FRMD4B: variants seen among roughly 807,000 people sequenced by gnomAD.
FRMD4B encodes FERM domain-containing protein 4B.
Under a neutral mutation model 141.5 loss-of-function variants are expected in FRMD4B, and 74 were observed. That is an observed-to-expected ratio of 0.52 (90% confidence interval 0.43 to 0.63). The LOEUF (loss-of-function observed/expected upper bound fraction) is 0.63. Among genes scored for constraint, FRMD4B ranks in the 30% least tolerant of loss-of-function variants. The probability of loss-of-function intolerance (pLI) is 0.00; values close to 1 mark genes in which losing one functional copy is unlikely to be tolerated. For synonymous variants in FRMD4B, 506 were observed against 467.9 expected (o/e 1.08, Z -1.05); for missense variants, 1,366 against 1,253.4 (o/e 1.09, Z -1.36).
chr3:69,448,840 T>C (rs1243135278), intron 1 of FRMD4B, among the ~76,000 whole-genome samples: 1 of 152,230 alleles, frequency 6.6e-6, no homozygotes, highest in Non-Finnish European at 1.5e-5. Context: ...TCCACATTTT[T>C]ATTTTTTCTT....
At chr3:69,334,083 A>G (rs1702464069) in intron 1 of FRMD4B, 1 of 152,094 alleles carries the variant, frequency 6.6e-6, no homozygotes, top group South Asian at 2.1e-4. Context: ...TATGGCTAAC[A>G]CTCTTAAGAT....
At chr3:69,496,713 T>A (rs1389467856) in intron 1 of FRMD4B, among the ~76,000 whole-genome samples, 1 of 146,102 alleles carries the variant, frequency 6.8e-6, no homozygotes, top group East Asian at 2.0e-4. Context: ...CCTGATGACA[T>A]CATGAGTGTC....
At chr3:69,445,413 A>G (rs1705397756) in intron 1 of FRMD4B, among the ~76,000 whole-genome samples, 1 of 152,204 alleles carries the variant, frequency 6.6e-6, no homozygotes, top group South Asian at 2.1e-4. Context: ...CCTCCTAAGA[A>G]AGATTCCTGC....
Position 69,189,885 on chromosome 3 carries a change from G to C in FRMD4B, c.1771+11C>G. 1 of 1,540,092 alleles carries C rather than the reference G, an allele frequency of 6.5e-7. No individual in the cohort carries two copies. The highest frequency in any genetic ancestry group is 9.0e-7 in the Non-Finnish European group (1 of 1,114,086). On this transcript the variant is annotated intron_variant, in intron 18 of 22. Coordinates refer to ENST00000398540, the MANE Select transcript of FRMD4B (RefSeq NM_015123.3). ...TAACATTTTTAAACCAAAAAAGGAAGAGCCACTTACGATCATCATAGGTGG... is the reference window on the plus strand; with the variant it reads ...TAACATTTTTAAACCAAAAAAGGAACAGCCACTTACGATCATCATAGGTGG...
intron 1 of FRMD4B, among the ~76,000 whole-genome samples, chr3:69,362,921 G>A (rs1703512078): frequency 6.6e-6 from 1 of 151,222 alleles, no homozygotes; most frequent in South Asian, 2.1e-4. Flanking sequence ...TGTTGTTGTT[G>A]TTGGACAATT....
chr3:69,453,121 G>A (rs1006053619), intron 1 of FRMD4B, among the ~76,000 whole-genome samples: 1 of 152,188 alleles, frequency 6.6e-6, no homozygotes, highest in African/African-American at 2.4e-5. Context: ...GGATGGGAGA[G>A]TTTATTGAAG....
chr3:69,294,025 T>C (rs1404780105), intron 4 of FRMD4B, among the ~76,000 whole-genome samples: 1 of 152,170 alleles, frequency 6.6e-6, no homozygotes, highest in Non-Finnish European at 1.5e-5. Context: ...AGTTTCAACT[T>C]TTCTCCCTCA....
At chr3:69,220,418 C>G (rs1480256701) in intron 9 of FRMD4B, among the ~76,000 whole-genome samples, 1 of 152,174 alleles carries the variant, frequency 6.6e-6, no homozygotes, top group Non-Finnish European at 1.5e-5. Context: ...CCTTAATACC[C>G]TTAATGGAAA....
chr3:69,352,584 C>T (rs1395910065), intron 1 of FRMD4B, among the ~76,000 whole-genome samples: 1 of 152,108 alleles, frequency 6.6e-6, no homozygotes. Context: ...AACATCTACC[C>T]ATCAAGGAAG....
chr3:69,464,406 G>A (rs1487716919), intron 1 of FRMD4B, among the ~76,000 whole-genome samples: 2 of 152,154 alleles, frequency 1.3e-5, no homozygotes, highest in Admixed American at 1.3e-4. Flanking sequence ...TAGACTGTCT[G>A]CAGGCCAGAA....
At chr3:69,432,731 A>C (rs544935582) in exon 2 of FRMD4B, 2 of 152,258 alleles carry the variant, frequency 1.3e-5, no homozygotes, top group South Asian at 2.1e-4. Flanking sequence ...TTTCTTTCAT[A>C]CACTCTTTCT....
intron 1 of FRMD4B, among the ~76,000 whole-genome samples, chr3:69,511,511 T>G (rs1706686562): frequency 6.6e-6 from 1 of 152,170 alleles, no homozygotes; most frequent in African/African-American, 2.4e-5. Context: ...TGGGCACATG[T>G]GGTGGCCATG....
intron 19 of FRMD4B, among the ~76,000 whole-genome samples, chr3:69,184,723 C>T (rs992091659): frequency 2.6e-5 from 4 of 152,200 alleles, no homozygotes; most frequent in Admixed American, 6.5e-5. Context: ...ATAAGAAGCA[C>T]ACTTGTCTCA....
At chr3:69,324,025 G>T (rs954893381) in intron 1 of FRMD4B, among the ~76,000 whole-genome samples, 1 of 152,182 alleles carries the variant, frequency 6.6e-6, no homozygotes, top group Non-Finnish European at 1.5e-5. Flanking sequence ...AAGGCCAGAA[G>T]AAGAGAAAGG....
At chr3:69,337,189 A>G (rs1298772992) in intron 1 of FRMD4B, among the ~76,000 whole-genome samples, 2 of 152,254 alleles carry the variant, frequency 1.3e-5, no homozygotes, top group East Asian at 3.9e-4. Context: ...AAACCTGACA[A>G]AAACAAGCAA....
intron 1 of FRMD4B, among the ~76,000 whole-genome samples, chr3:69,361,543 A>G (rs963773133): frequency 1.3e-5 from 2 of 152,184 alleles, no homozygotes; most frequent in Non-Finnish European, 2.9e-5. Context: ...TCAGATTTCT[A>G]TCACAATAGA....
intron 5 of FRMD4B, among the ~76,000 whole-genome samples, chr3:69,258,725 G>A (rs1226385102): frequency 2.0e-5 from 3 of 151,988 alleles, no homozygotes; most frequent in Non-Finnish European, 2.9e-5. Flanking sequence ...TATCTACTAG[G>A]TACAAATTAT....
chr3:69,325,379 C>T lies in FRMD4B; in HGVS notation c.163-11862G>A, dbSNP rs148505633. On this transcript the variant is annotated intron_variant, in intron 1 of 22. Coordinates refer to ENST00000398540, the MANE Select transcript of FRMD4B (RefSeq NM_015123.3). The stretch of plus-strand genomic sequence containing the variant: ...AGACATTCCCTGGGGAGGGCATTCT[C>T]ATAAATGACAATCCCTTATCAGATT... Among the ~76,000 whole-genome samples the T allele has an allele frequency of 3.1e-3, 471 of 152,298 alleles. 4 individuals carry two copies. The highest frequency in any genetic ancestry group is 0.011 in the African/African-American group (454 of 41,576).
chr3:69,233,229 G>A (rs565871914), intron 7 of FRMD4B, among the ~76,000 whole-genome samples: 49 of 152,164 alleles, frequency 3.2e-4, no homozygotes, highest in African/African-American at 1.1e-3. Context: ...GCTTACACCT[G>A]TAATCCCAGC....
Sources: allele counts gnomAD v4.1 joint callset (sites outside exome capture counted in the v4.1 genomes callset), GRCh38; gene constraint gnomAD v4.1.1; transcripts MANE v1.5; gene names NCBI Gene and HGNC (gene_info 2026-07-23, HGNC 2026-07-21).